The following STK39 variants were observed in gnomAD, a reference collection of about 807,000 sequenced individuals.
The protein encoded by STK39 is STE20/SPS1-related proline-alanine-rich protein kinase.
STK39 carries 20 observed loss-of-function variants against 77.8 expected under a neutral mutation model. That is an observed-to-expected ratio of 0.26 (90% confidence interval 0.18 to 0.37). The LOEUF is 0.37. Among genes scored for constraint, STK39 ranks in the 10% least tolerant of loss-of-function variants. The pLI is 1.00. For missense variants in STK39, 479 were observed against 656.5 expected (o/e 0.73, Z 2.95); for synonymous variants, 246 against 234.1 (o/e 1.05, Z -0.47).
intron 4 of STK39, 92 bp from the exon 5 acceptor site, chr2:168,161,934 C>T (rs904290290): frequency 1.9e-5 from 16 of 843,780 alleles, no homozygotes; most frequent in Middle Eastern, 5.0e-4. Flanking sequence ...TATCATACAA[C>T]GCAGCTCTTT....
rs77318500 is a variant in STK39, at chr2:168,186,030, C to T, written c.209-3940G>A. Among the ~76,000 whole-genome samples, 464 of 152,242 alleles carry T rather than the reference C, an allele frequency of 3.0e-3. 3 individuals are homozygous for T. The highest frequency in any genetic ancestry group is 5.4e-3 in the Non-Finnish European group (365 of 68,010). On this transcript the variant is annotated intron_variant, in intron 1 of 17. Transcript: ENST00000355999. ...AAAATGTCTTTGTTGAAGCCCTAAT[C>T]CCCAATGTGACTATATTTAGAGATA...
At chr2:168,052,569 T>A (rs1463213216) in intron 14 of STK39, among the ~76,000 whole-genome samples, 1 of 152,196 alleles carries the variant, frequency 6.6e-6, no homozygotes, top group Admixed American at 6.5e-5. Flanking sequence ...CATCTTGATA[T>A]TGTTTGTAAA....
chr2:168,129,462 A>G lies in STK39; in HGVS notation c.1089+79T>C, dbSNP rs1687624452. 2.0e-6 allele frequency: 3 copies of G among 1,517,836 alleles called. No individual in the cohort carries two copies. In the Admixed American group the frequency reaches 5.3e-5, roughly 27 times the overall value. 94.0% of individuals were successfully genotyped at this position (1,517,836 alleles called of 1,614,324 possible). A position where few individuals can be genotyped will look rare whatever the true frequency, so the allele number is the denominator to read the frequency against. On this transcript the variant is annotated intron_variant, in intron 10 of 17. Transcript: ENST00000355999. ...AATAGTATATCCTGCATATGTGGAA[A>G]TCTTTTTCCAATTTTTCTATGGGTT...
At position 168,242,560 on chromosome 2, in the gene STK39, AATATATATATATAT is replaced by A. The variant is rs59941306; in HGVS notation, c.208+4654_208+4667del. 6.2e-4 allele frequency among the ~76,000 whole-genome samples: 28 copies of A among 44,866 alleles called. 3 individuals carry two copies. Among genetic ancestry groups the A allele is most frequent in the African/African-American group, 2.0e-3 (18 of 9,096 alleles). The allele number at this position is 44,866 out of a possible 152,430, so 29.4% of individuals were successfully genotyped here. A position where few individuals can be genotyped will look rare whatever the true frequency, so the allele number is the denominator to read the frequency against. On this transcript the variant is annotated intron_variant, in intron 1 of 17. Transcript: ENST00000355999. ...CAAGACTCTTACAAAAAAAAAAAAA[AATATATATATATAT>A]ATATATATATATATATATATATAAA...
intron 14 of STK39, among the ~76,000 whole-genome samples, chr2:168,019,493 C>T (rs4578821): frequency 6.6e-6 from 1 of 152,020 alleles, no homozygotes; most frequent in Non-Finnish European, 1.5e-5. Context: ...GGTTTTGAAA[C>T]GTACCCTTGC....
intron 14 of STK39, among the ~76,000 whole-genome samples, chr2:168,036,915 C>T (rs1309806642): frequency 6.6e-6 from 1 of 152,208 alleles, no homozygotes; most frequent in African/African-American, 2.4e-5. Flanking sequence ...AGAAAATAAT[C>T]ACCACTGGAC....
rs556890893 is a variant in STK39 at position 168,034,954 on chromosome 2, A to G, written c.1377-17859T>C. On this transcript the variant is annotated intron_variant, in intron 14 of 17. Transcript: ENST00000355999. ...CCTCCTTCAGCCTGTTGATGTGGTC[A>G]TTAATAAAACATTTAAAAATGACCT... Among the ~76,000 whole-genome samples the G allele has an allele frequency of 5.9e-5, 9 of 152,376 alleles. No homozygotes were observed. In the South Asian group the frequency reaches 1.7e-3, roughly 28 times the overall value.
At chr2:168,091,701 A>G (rs10183435) in intron 10 of STK39, among the ~76,000 whole-genome samples, 65,664 of 151,970 alleles carry the variant, frequency 0.43, 15,754 homozygotes, top group South Asian at 0.56. Context: ...TTTTTTAATG[A>G]AAATGTTCAT....
At chr2:168,188,788 C>T (rs1689268968) in intron 1 of STK39, among the ~76,000 whole-genome samples, 1 of 152,204 alleles carries the variant, frequency 6.6e-6, no homozygotes, top group Non-Finnish European at 1.5e-5. Context: ...GTGCACAGTG[C>T]AATCTCAAGT....
At chr2:168,227,034 T>C (rs1690326909) in intron 1 of STK39, among the ~76,000 whole-genome samples, 1 of 152,240 alleles carries the variant, frequency 6.6e-6, no homozygotes, top group African/African-American at 2.4e-5. Context: ...ATAATGTGTA[T>C]ACTTTACTAA....
At chr2:168,242,391 G>A (rs985304774) in intron 1 of STK39, among the ~76,000 whole-genome samples, 1 of 150,712 alleles carries the variant, frequency 6.6e-6, no homozygotes, top group Non-Finnish European at 1.5e-5. Flanking sequence ...GTGAAACCCT[G>A]TTTCTATCAA....
At chr2:168,134,678 C>T (rs1687787168) in intron 8 of STK39, among the ~76,000 whole-genome samples, 2 of 152,052 alleles carry the variant, frequency 1.3e-5, no homozygotes, top group Non-Finnish European at 2.9e-5. Context: ...TCAGACGAAC[C>T]AAAGGTCTGC....
At chr2:168,242,444 G>A (rs1355840739) in intron 1 of STK39, among the ~76,000 whole-genome samples, 1 of 150,202 alleles carries the variant, frequency 6.7e-6, no homozygotes, top group Non-Finnish European at 1.5e-5. Context: ...AGCTACTCGG[G>A]AGGCTGAGGC....
At chr2:168,187,959 T>C (rs970582901) in intron 1 of STK39, among the ~76,000 whole-genome samples, 3 of 152,178 alleles carry the variant, frequency 2.0e-5, no homozygotes, top group African/African-American at 7.2e-5. Flanking sequence ...TATATTTAAA[T>C]GAGAAGCACA....
At chr2:168,156,445 C>T (rs16854905) in intron 5 of STK39, among the ~76,000 whole-genome samples, 23,569 of 152,076 alleles carry the variant, frequency 0.15, 2,205 homozygotes, top group African/African-American at 0.25. Flanking sequence ...AGATTCTTCA[C>T]TCTGGTGATA....
At chr2:167,994,777 A>T (rs1683790282) in intron 16 of STK39, among the ~76,000 whole-genome samples, 1 of 152,216 alleles carries the variant, frequency 6.6e-6, no homozygotes, top group Admixed American at 6.5e-5. Context: ...AAACTTAAAA[A>T]TTATGCCAGA....
rs148781040 is a variant in STK39, at chr2:168,098,579, C to T, written c.1090-23348G>A. Among the ~76,000 whole-genome samples, 103 of 152,302 alleles carry T rather than the reference C, an allele frequency of 6.8e-4. No individual in the cohort carries two copies. The Middle Eastern group carries it at 0.014, about 20-fold the overall frequency. ...GGGGCTGCTTGTCCTGCCTCTCCCA[C>T]ACCTCCATCTGAACTGTGCTATCCC... On this transcript the variant is annotated intron_variant, in intron 10 of 17. Coordinates refer to ENST00000355999, the MANE Select transcript of STK39 (RefSeq NM_013233.3).
chr2:168,122,810 T>A (rs957668362), intron 10 of STK39, among the ~76,000 whole-genome samples: 1 of 152,210 alleles, frequency 6.6e-6, no homozygotes, highest in African/African-American at 2.4e-5. Flanking sequence ...AGCCTATGAA[T>A]GTAGAGCCAT....
intron 1 of STK39, among the ~76,000 whole-genome samples, chr2:168,229,312 G>A (rs1690387292): frequency 6.6e-6 from 1 of 151,558 alleles, no homozygotes; most frequent in African/African-American, 2.4e-5. Context: ...TTGAACCCAG[G>A]AGGCGGAGGT....
Sources: gnomAD v4.1 joint callset for allele counts (sites outside exome capture counted in the v4.1 genomes callset) on GRCh38, gnomAD v4.1.1 for gene constraint, MANE v1.5 for transcripts, NCBI Gene and HGNC (gene_info 2026-07-23, HGNC 2026-07-21) for gene names.